Variants in STK3 observed in about 807,000 individuals in gnomAD.
The protein encoded by STK3 is serine/threonine kinase 3, also known as serine/threonine-protein kinase 3.
STK3 carries 41 observed loss-of-function variants against 58.0 expected under a neutral mutation model. The observed-to-expected ratio is 0.71, with a 90% CI of 0.55 to 0.92. The LOEUF (loss-of-function observed/expected upper bound fraction) is 0.92, where lower values mean the gene tolerates loss of function less well. STK3 is among the 40% of genes least tolerant of loss of function. The pLI is 0.00. For missense variants in STK3, 479 were observed against 602.7 expected (o/e 0.79, Z 2.15); for synonymous variants, 170 against 191.0 (o/e 0.89, Z 0.91).
At chr8:98,816,182 G>A (rs1351379822) in intron 1 of STK3, among the ~76,000 whole-genome samples, 3 of 152,168 alleles carry the variant, frequency 2.0e-5, no homozygotes, top group Non-Finnish European at 4.4e-5. Flanking sequence ...GGAAAAGGAT[G>A]GAGGACTAAA....
intron 3 of STK3, among the ~76,000 whole-genome samples, chr8:98,858,889 A>T (rs1342466878): frequency 6.8e-6 from 1 of 146,182 alleles, no homozygotes. Context: ...AGACAGCAAG[A>T]CTCCATCTAA....
intron 8 of STK3, among the ~76,000 whole-genome samples, chr8:98,560,840 C>T (rs1811953856): frequency 6.6e-6 from 1 of 151,972 alleles, no homozygotes; most frequent in Admixed American, 6.6e-5. Context: ...TGAGACCGGC[C>T]TGGGCAACAC....
At chr8:98,584,247 C>G (rs1240100351) in intron 7 of STK3, among the ~76,000 whole-genome samples, 1 of 151,564 alleles carries the variant, frequency 6.6e-6, no homozygotes. Context: ...ATCCCTCCCC[C>G]TTCCCCCCAC....
At chr8:98,432,623 C>CT in intron 3 of STK3, 1 of 167,226 alleles carries the variant, frequency 6.0e-6, no homozygotes, top group Admixed American at 6.5e-5. Flanking sequence ...CCTGCTAATT[C>CT]TTGCCGCATT....
intron 3 of STK3, among the ~76,000 whole-genome samples, chr8:98,862,984 T>C (rs1231258496): frequency 1.3e-5 from 2 of 152,190 alleles, no homozygotes; most frequent in East Asian, 3.8e-4. Context: ...CCAGACTCCT[T>C]GGAAATATGT....
chr8:98,583,077 TC>T (rs1814065835), intron 7 of STK3, among the ~76,000 whole-genome samples: 1 of 152,144 alleles, frequency 6.6e-6, no homozygotes, highest in South Asian at 2.1e-4. Context: ...ATTCATACTA[TC>T]TTTTTATATT....
At chr8:98,481,141 C>T (rs1821818416) in intron 10 of STK3, among the ~76,000 whole-genome samples, 1 of 151,652 alleles carries the variant, frequency 6.6e-6, no homozygotes, top group Non-Finnish European at 1.5e-5. Context: ...ATATTTCAAC[C>T]ACTGCTAGAA....
chr8:98,671,996 G>A (rs1822866971), intron 6 of STK3, among the ~76,000 whole-genome samples: 2 of 152,168 alleles, frequency 1.3e-5, no homozygotes, highest in South Asian at 4.1e-4. Flanking sequence ...CCTGTGAAGA[G>A]GTGCCTTCCA....
intron 3 of STK3, among the ~76,000 whole-genome samples, chr8:98,841,371 G>A (rs1164069035): frequency 6.6e-6 from 1 of 152,008 alleles, no homozygotes; most frequent in African/African-American, 2.4e-5. Context: ...ACAATAAACT[G>A]CACTTGAATT....
chr8:98,374,467 A>T (rs1488677563), intron 2 of STK3, among the ~76,000 whole-genome samples: 2 of 152,266 alleles, frequency 1.3e-5, no homozygotes, highest in Non-Finnish European at 2.9e-5. Flanking sequence ...GCAGTCTGAA[A>T]CATTAGTTCA....
At chr8:98,449,981 C>T (rs946558709), downstream of STK3, among the ~76,000 whole-genome samples, 3 of 152,164 alleles carry the variant, frequency 2.0e-5, no homozygotes, top group African/African-American at 4.8e-5. Flanking sequence ...TGGTTCTTGA[C>T]GTTCCCAGCC....
chr8:98,383,262 A>T (rs371632017), intron 1 of STK3, among the ~76,000 whole-genome samples: 2 of 152,194 alleles, frequency 1.3e-5, no homozygotes, highest in Admixed American at 1.3e-4. Flanking sequence ...CAAGAGGTCA[A>T]ATAACTTGCC....
chr8:98,456,956 G>A (rs868381219), intron 10 of STK3, among the ~76,000 whole-genome samples: 1 of 152,174 alleles, frequency 6.6e-6, no homozygotes, highest in African/African-American at 2.4e-5. Context: ...TGAGGATACT[G>A]AAAAGAATGA....
chr8:98,917,271 A>G (rs1839379649), intron 1 of STK3, among the ~76,000 whole-genome samples: 1 of 152,226 alleles, frequency 6.6e-6, no homozygotes, highest in South Asian at 2.1e-4. Context: ...AATGTCTTAG[A>G]TAAATATGTG....
intron 4 of STK3, among the ~76,000 whole-genome samples, chr8:98,740,063 G>C (rs1193718622): frequency 6.6e-6 from 1 of 152,176 alleles, no homozygotes; most frequent in African/African-American, 2.4e-5. Flanking sequence ...AAAAAGAAAT[G>C]AACAAAGCCT....
At chr8:98,819,629 T>C (rs1305392795) in intron 1 of STK3, among the ~76,000 whole-genome samples, 1 of 152,214 alleles carries the variant, frequency 6.6e-6, no homozygotes, top group East Asian at 1.9e-4. Flanking sequence ...TTTGAATATT[T>C]TGTCCACTTG....
chr8:98,534,016 T>C (rs1809557751), intron 9 of STK3, among the ~76,000 whole-genome samples: 1 of 152,220 alleles, frequency 6.6e-6, no homozygotes, highest in South Asian at 2.1e-4. Flanking sequence ...ATTACTAGCA[T>C]TGGTGCACTG....
chr8:98,509,035 C>G (rs1488574523), intron 10 of STK3, among the ~76,000 whole-genome samples: 22 of 152,040 alleles, frequency 1.4e-4, no homozygotes. Flanking sequence ...CAATCAGGTA[C>G]TAACTAGTCT....
At chr8:98,413,840 C>T (rs1401263065) in intron 3 of STK3, 15 of 566,158 alleles carry the variant, frequency 2.6e-5, no homozygotes, top group South Asian at 1.5e-4. Flanking sequence ...CAGATGGGGC[C>T]GCCCAAGCCA....
Sources: allele counts gnomAD v4.1 joint callset (sites outside exome capture counted in the v4.1 genomes callset), GRCh38; gene constraint gnomAD v4.1.1; transcripts MANE v1.5; gene names NCBI Gene and HGNC (gene_info 2026-07-23, HGNC 2026-07-21).